Variants in IFI16 observed in about 807,000 individuals in gnomAD.
IFI16 encodes the protein interferon gamma inducible protein 16.
IFI16 carries 49 observed loss-of-function variants against 68.4 expected under a neutral mutation model. The ratio of observed to expected loss-of-function variants is 0.72; its 90% CI spans 0.57 to 0.91. The LOEUF is 0.91. IFI16 is among the 40% of genes least tolerant of loss of function. The pLI is 0.00. For missense variants in IFI16, 878 were observed against 942.9 expected (o/e 0.93, Z 0.90); for synonymous variants, 307 against 315.0 (o/e 0.97, Z 0.27).
At position 159,018,477 on chromosome 1, in the gene IFI16, A is replaced by G. The variant is rs1264814065; in HGVS notation, c.798A>G (p.Glu266=). 4.3e-6 allele frequency: 7 copies of G among 1,613,868 alleles called. No individual in the cohort carries two copies. The highest frequency in any genetic ancestry group is 5.9e-6 in the Non-Finnish European group (7 of 1,179,842). The part of the protein sequence containing the change: ...KKIIIISDYL[E]YDSLLEVNEE... Reference sequence around the variant, plus strand: ...TCATCATCATATCAGATTATTTGGAATATGATAGTCTCCTAGAGGTCAATG... The same window carrying G: ...TCATCATCATATCAGATTATTTGGAGTATGATAGTCTCCTAGAGGTCAATG... Residue 266 remains glutamate (E), a synonymous_variant, in exon 5 of 12, where the codon GAA becomes GAG. Coordinates refer to ENST00000295809, the MANE Select transcript of IFI16 (RefSeq NM_001376587.1).
At chr1:159,000,817 G>C (rs1652031837) in intron 1 of IFI16, among the ~76,000 whole-genome samples, 1 of 152,148 alleles carries the variant, frequency 6.6e-6, no homozygotes. Flanking sequence ...GCTCATGGGG[G>C]TGGATCCCTC....
At chr1:159,052,838 C>G (rs368451851) in intron 10 of IFI16, 1 of 151,862 alleles carries the variant, frequency 6.6e-6, no homozygotes, top group South Asian at 2.1e-4. Context: ...AAATATTATG[C>G]TTAGCTGATT....
At chr1:159,052,120 A>G (rs1175632166) in intron 10 of IFI16, 22 bp downstream of exon 10, 1 of 1,566,036 alleles carries the variant, frequency 6.4e-7, no homozygotes, top group East Asian at 2.3e-5. Flanking sequence ...CCATTGTTTT[A>G]TAAAATTTCT....
chr1:159,014,508 A>G (rs563106340), intron 1 of IFI16, among the ~76,000 whole-genome samples, 153 bp from the exon 2 acceptor site: 4 of 152,300 alleles, frequency 2.6e-5, no homozygotes, highest in African/African-American at 7.2e-5. Context: ...TCTTCACTCA[A>G]TTTCTACAGT....
chr1:159,048,810 T>C lies in IFI16; in HGVS notation c.1498-622T>C, dbSNP rs150737552. Among the ~76,000 whole-genome samples the C allele has an allele frequency of 4.4e-3, 671 of 151,720 alleles. 18 individuals are homozygous for C. Among genetic ancestry groups the C allele is most frequent in the African/African-American group, 0.015 (623 of 41,454 alleles). ...ATTCTCCAGTCTTACTTGAAAAATG[T>C]ATAAAAATATAGCTAATGGGAATGC... On this transcript the variant is annotated intron_variant, in intron 8 of 11. Transcript: ENST00000295809.
chr1:159,041,115 T>C (rs1654608316), intron 7 of IFI16, among the ~76,000 whole-genome samples: 1 of 152,156 alleles, frequency 6.6e-6, no homozygotes, highest in Admixed American at 6.5e-5. Flanking sequence ...CTTTTTCAGC[T>C]AACGGTGCGA....
At chr1:159,000,084 AT>A in exon 1 of IFI16, 3 of 163,298 alleles carry the variant, frequency 1.8e-5, no homozygotes. Context: ...TCCCGAAGAC[AT>A]TTTGCCACAA....
chr1:159,024,452 G>A (rs1371821610), intron 6 of IFI16, among the ~76,000 whole-genome samples: 2 of 152,182 alleles, frequency 1.3e-5, no homozygotes, highest in African/African-American at 4.8e-5. Context: ...GTTAGAAGGG[G>A]TAGCCCTTTT....
chr1:159,041,355 A>G (rs1654627189), intron 7 of IFI16, among the ~76,000 whole-genome samples: 1 of 152,214 alleles, frequency 6.6e-6, no homozygotes, highest in Admixed American at 6.5e-5. Context: ...TGACGATTTC[A>G]GTTTGCCTCA....
At chr1:159,014,443 C>T (rs1395620936) in intron 1 of IFI16, among the ~76,000 whole-genome samples, 1 of 134,472 alleles carries the variant, frequency 7.4e-6, no homozygotes, top group East Asian at 2.2e-4. Context: ...CTGGACCCAA[C>T]TCAACTATTC....
chr1:159,015,379 G>A (rs770863021), intron 2 of IFI16, among the ~76,000 whole-genome samples: 11 of 152,096 alleles, frequency 7.2e-5, no homozygotes, highest in South Asian at 2.1e-4. Flanking sequence ...CCTCTCAGAA[G>A]TGTGATCTCC....
At chr1:159,052,236 A>AT in intron 10 of IFI16, 138 bp downstream of exon 10, 1 of 637,196 alleles carries the variant, frequency 1.6e-6, no homozygotes, top group Non-Finnish European at 2.7e-6. Flanking sequence ...ACTAGAGATA[A>AT]TTGAATAGAG....
At chr1:159,042,638 A>G (rs1199880900) in intron 7 of IFI16, among the ~76,000 whole-genome samples, 6 of 152,222 alleles carry the variant, frequency 3.9e-5, no homozygotes, top group African/African-American at 9.6e-5. Flanking sequence ...AGAATAGATC[A>G]TATTTTCTCA....
At chr1:159,036,881 T>C (rs1215079174) in intron 7 of IFI16, among the ~76,000 whole-genome samples, 1 of 152,252 alleles carries the variant, frequency 6.6e-6, no homozygotes. Context: ...GTGTACCAGT[T>C]GAAGACAGGC....
rs189620182 is a variant in IFI16, at chr1:159,024,774, A to T, written c.1161+4245A>T. ...AGGTGAGTTAGACTTAGTTATATTTATAACAAAGGAGCTAATAACAAAAGA... is the reference window on the plus strand; with the variant it reads ...AGGTGAGTTAGACTTAGTTATATTTTTAACAAAGGAGCTAATAACAAAAGA... On this transcript the variant is annotated intron_variant, in intron 6 of 11. Coordinates refer to ENST00000295809, the MANE Select transcript of IFI16 (RefSeq NM_001376587.1). Among the ~76,000 whole-genome samples, 411 of 152,314 alleles carry T rather than the reference A, an allele frequency of 2.7e-3. 2 individuals are homozygous for T. Among genetic ancestry groups the T allele is most frequent in the African/African-American group, 9.0e-3 (373 of 41,550 alleles).
chr1:159,009,483 C>G (rs1052322679), upstream of IFI16, among the ~76,000 whole-genome samples: 1 of 152,164 alleles, frequency 6.6e-6, no homozygotes, highest in Non-Finnish European at 1.5e-5. Flanking sequence ...GCCACTGCCA[C>G]TCTGTGCACA....
intron 1 of IFI16, among the ~76,000 whole-genome samples, chr1:159,011,520 T>C (rs1229642099): frequency 6.6e-6 from 1 of 152,118 alleles, no homozygotes; most frequent in Non-Finnish European, 1.5e-5. Flanking sequence ...TATATGTGTG[T>C]AGTGATGTCT....
upstream of IFI16, among the ~76,000 whole-genome samples, chr1:159,006,730 AG>A: frequency 6.6e-6 from 1 of 152,324 alleles, no homozygotes; most frequent in East Asian, 1.9e-4. Flanking sequence ...AAACAAGGTT[AG>A]GCATTTCAAT....
At chr1:159,007,066 C>T (rs918735151), upstream of IFI16, among the ~76,000 whole-genome samples, 1 of 152,040 alleles carries the variant, frequency 6.6e-6, no homozygotes, top group Non-Finnish European at 1.5e-5. Context: ...GAAAAGGAAA[C>T]AGCACAAAAC....
Sources: gnomAD v4.1 joint callset for allele counts (sites outside exome capture counted in the v4.1 genomes callset) on GRCh38, gnomAD v4.1.1 for gene constraint, MANE v1.5 for transcripts, NCBI Gene and HGNC (gene_info 2026-07-23, HGNC 2026-07-21) for gene names.